Variants in MBD5 observed in about 807,000 individuals in gnomAD.
The protein encoded by MBD5 is methyl-CpG-binding domain protein 5.
In MBD5, 13 loss-of-function variants were observed where a neutral mutation model predicts 117.3. The ratio of observed to expected loss-of-function variants is 0.11; its 90% CI spans 0.07 to 0.18. The LOEUF is 0.18. Among genes scored for constraint, MBD5 ranks in the 10% least tolerant of loss-of-function variants. The pLI, the probability that MBD5 is intolerant of heterozygous loss-of-function variation, is 1.00. For synonymous variants in MBD5, 727 were observed against 766.4 expected (o/e 0.95, Z 0.85); for missense variants, 1,879 against 2,093.8 (o/e 0.90, Z 2.00).
intron 1 of MBD5, among the ~76,000 whole-genome samples, chr2:148,090,807 C>T (rs1347566921): frequency 6.6e-6 from 1 of 152,080 alleles, no homozygotes; most frequent in African/African-American, 2.4e-5. Context: ...CCACTTTCAC[C>T]ACTTCTATTC....
At chr2:148,340,077 G>A (rs1477763064) in intron 3 of MBD5, among the ~76,000 whole-genome samples, 1 of 151,918 alleles carries the variant, frequency 6.6e-6, no homozygotes, top group Admixed American at 6.6e-5. Flanking sequence ...TTTATTCTCA[G>A]CAACTCCTTC....
intron 3 of MBD5, among the ~76,000 whole-genome samples, chr2:148,313,052 TG>T (rs1702070922): frequency 6.6e-6 from 1 of 152,136 alleles, no homozygotes; most frequent in South Asian, 2.1e-4. Context: ...ACCCGCTAGA[TG>T]CCAGCTGGAG....
rs1681309901 is a variant in MBD5 at position 148,485,550 on chromosome 2, T to C, written c.3545-192T>C. 4 of 588,458 alleles carry C rather than the reference T, an allele frequency of 6.8e-6. No homozygotes were observed. The South Asian group carries it at 8.5e-5, about 12-fold the overall frequency. 36.5% of individuals were successfully genotyped at this position (588,458 alleles called of 1,614,324 possible). On this transcript the variant is annotated intron_variant, in intron 9 of 13. Coordinates refer to ENST00000642680, the MANE Select transcript of MBD5 (RefSeq NM_001378120.1). ...TGATGTAAAATTAAAAAACTAATTATACAAGATAAAACTAAATAATAAAGC... is the reference window on the plus strand; with the variant it reads ...TGATGTAAAATTAAAAAACTAATTACACAAGATAAAACTAAATAATAAAGC...
intron 1 of MBD5, among the ~76,000 whole-genome samples, chr2:148,102,700 TCACACACA>T (rs72105542): frequency 0.39 from 50,923 of 130,956 alleles, 9,976 homozygotes; most frequent in South Asian, 0.51. Flanking sequence ...GAGAGAGAGA[TCACACACA>T]CACACACACA....
chr2:148,321,817 A>T (rs949507149), intron 3 of MBD5, among the ~76,000 whole-genome samples: 1 of 151,998 alleles, frequency 6.6e-6, no homozygotes, highest in African/African-American at 2.4e-5. Context: ...TGAACTCCTG[A>T]CCTAAAGCAA....
At position 148,395,543 on chromosome 2, in the gene MBD5, G is replaced by A. The variant is rs577340864; in HGVS notation, c.-557+53207G>A. Among the ~76,000 whole-genome samples, 3 of 150,412 alleles carry A rather than the reference G, an allele frequency of 2.0e-5. No homozygotes were observed. In the East Asian group the frequency reaches 5.9e-4, roughly 30 times the overall value. ...AGGCTCAAGCAATTCTCCTGCTTCA[G>A]CCTCCCGAGTAGCTGGGATCACAGG... On this transcript the variant is annotated intron_variant, in intron 4 of 13. Coordinates refer to ENST00000642680, the MANE Select transcript of MBD5 (RefSeq NM_001378120.1).
At chr2:148,238,966 G>C (rs1700150107) in intron 3 of MBD5, among the ~76,000 whole-genome samples, 2 of 150,738 alleles carry the variant, frequency 1.3e-5, no homozygotes, top group African/African-American at 4.9e-5. Context: ...ACATATTTTT[G>C]GAGAAACATA....
chr2:148,494,455 C>T (rs1681632411), intron 11 of MBD5, among the ~76,000 whole-genome samples: 1 of 152,228 alleles, frequency 6.6e-6, no homozygotes, highest in Middle Eastern at 3.4e-3. Context: ...TCTACCTTCC[C>T]ACATAACTCT....
At chr2:148,299,892 C>G (rs148583506) in intron 3 of MBD5, among the ~76,000 whole-genome samples, 112 of 152,282 alleles carry the variant, frequency 7.4e-4, no homozygotes, top group African/African-American at 2.5e-3. Flanking sequence ...TCCATTTATA[C>G]TGGGCCAAAA....
intron 3 of MBD5, among the ~76,000 whole-genome samples, chr2:148,267,907 GA>G (rs1214042161): frequency 2.0e-5 from 3 of 149,122 alleles, no homozygotes; most frequent in African/African-American, 7.4e-5. Context: ...TTGCTATTGT[GA>G]ACGATTTTTT....
intron 3 of MBD5, among the ~76,000 whole-genome samples, chr2:148,326,512 G>A (rs530218999): frequency 8.8e-4 from 134 of 152,170 alleles, no homozygotes; most frequent in African/African-American, 3.1e-3. Flanking sequence ...TTATGAATCT[G>A]GGTGCTCCTG....
chr2:148,305,644 A>C (rs527605547), intron 3 of MBD5, among the ~76,000 whole-genome samples: 1 of 152,334 alleles, frequency 6.6e-6, no homozygotes, highest in African/African-American at 2.4e-5. Context: ...TGTCGCCTGC[A>C]CACAATCTGT....
chr2:148,080,755 A>T (rs890557158), intron 1 of MBD5, among the ~76,000 whole-genome samples: 1 of 152,180 alleles, frequency 6.6e-6, no homozygotes, highest in Admixed American at 6.5e-5. Flanking sequence ...AAGGTATTTG[A>T]AATTATTATA....
In MBD5 at chr2:148,258,869, C is replaced by G. The variant is rs6747581; in HGVS notation, c.-680+25474C>G. On this transcript the variant is annotated intron_variant, in intron 3 of 13. Transcript: ENST00000642680. Reference sequence around the variant, plus strand: ...CTTCCCCTTCTTTAAGGCGCAGACCCCTTGGTCCTGCCAGTGGCCTTCTGC... The same window carrying G: ...CTTCCCCTTCTTTAAGGCGCAGACCGCTTGGTCCTGCCAGTGGCCTTCTGC... Among the ~76,000 whole-genome samples, 854 of 152,278 alleles carry G rather than the reference C, an allele frequency of 5.6e-3. 11 individuals carry two copies. The highest frequency in any genetic ancestry group is 0.02 in the African/African-American group (826 of 41,586).
intron 2 of MBD5, among the ~76,000 whole-genome samples, chr2:148,224,817 C>CT: frequency 6.6e-6 from 1 of 151,812 alleles, no homozygotes; most frequent in Non-Finnish European, 1.5e-5. Flanking sequence ...AACATAGTGA[C>CT]TTTTTTTGTC....
chr2:148,448,925 G>T (rs982419920), intron 4 of MBD5, among the ~76,000 whole-genome samples: 2 of 151,822 alleles, frequency 1.3e-5, no homozygotes, highest in Non-Finnish European at 2.9e-5. Context: ...ATGCAGCCAA[G>T]TTTTTTTTAA....
chr2:148,318,998 G>A (rs1164257827), intron 3 of MBD5, among the ~76,000 whole-genome samples: 1 of 152,180 alleles, frequency 6.6e-6, no homozygotes, highest in Non-Finnish European at 1.5e-5. Flanking sequence ...TTACAGGCAT[G>A]AGCCACTGCA....
intron 3 of MBD5, among the ~76,000 whole-genome samples, chr2:148,262,057 C>T (rs139990115): frequency 8.5e-5 from 13 of 152,184 alleles, no homozygotes; most frequent in Middle Eastern, 3.4e-3. Flanking sequence ...TCACTGATCA[C>T]GGATCACTAT....
rs1390579309 is a variant in MBD5, at chr2:148,233,342, G to A, written c.-733G>A. On this transcript the variant is annotated 5_prime_UTR_variant, in exon 3 of 14. Transcript: ENST00000642680. ...TGCTTCTTTAGTTCCATCAAACACA[G>A]AGGAATGACCACCATGGCAGATGGC... 6.6e-6 allele frequency: 1 copy of A among 152,122 alleles called. No individual in the cohort carries two copies. The highest frequency in any genetic ancestry group is 1.5e-5 in the Non-Finnish European group (1 of 68,018). 9.4% of individuals were successfully genotyped at this position (152,122 alleles called of 1,614,324 possible).
Sources: allele counts gnomAD v4.1 joint callset (sites outside exome capture counted in the v4.1 genomes callset), GRCh38; gene constraint gnomAD v4.1.1; transcripts MANE v1.5; gene names NCBI Gene and HGNC (gene_info 2026-07-23, HGNC 2026-07-21).